Variants in ELN observed in about 807,000 individuals in gnomAD.
ELN encodes tropoelastin.
In ELN, 65 loss-of-function variants were observed where a neutral mutation model predicts 105.8. That is an observed-to-expected ratio of 0.61 (90% CI 0.50 to 0.75). ELN has a LOEUF of 0.75. Among genes scored for constraint, ELN ranks in the 30% least tolerant of loss-of-function variants. The probability of loss-of-function intolerance (pLI) is 0.00; values close to 1 mark genes in which losing one functional copy is unlikely to be tolerated. For missense variants in ELN, 882 were observed against 969.4 expected, an observed-to-expected ratio of 0.91 and a Z score of 1.20; for synonymous variants, 368 against 389.2, an observed-to-expected ratio of 0.95 and a Z score of 0.64.
intron 29 of ELN, among the ~76,000 whole-genome samples, chr7:74,065,070 C>A (rs1328196965): frequency 6.6e-6 from 1 of 151,690 alleles, no homozygotes; most frequent in Non-Finnish European, 1.5e-5. Context: ...GCAAGACCCC[C>A]CCCCACCACC....
chr7:74,037,943 C>A, intron 4 of ELN: 2 of 661,092 alleles, frequency 3.0e-6, no homozygotes, highest in Non-Finnish European at 5.2e-6. Flanking sequence ...GAACAAGAGG[C>A]TGGAAGCAGC....
At chr7:74,031,026 G>T (rs979801475) in intron 1 of ELN, among the ~76,000 whole-genome samples, 1 of 152,204 alleles carries the variant, frequency 6.6e-6, no homozygotes, top group Non-Finnish European at 1.5e-5. Context: ...AAACAGCTTC[G>T]TGTGGTCTTA....
In ELN at chr7:74,046,287, G is replaced by C. The variant is rs1175004343; in HGVS notation, c.571+70G>C. The C allele has an allele frequency of 1.9e-6, 3 of 1,606,264 alleles. No individual in the cohort carries two copies. The South Asian group carries it at 3.3e-5, about 18-fold the overall frequency. ...AGGCTCTGGCGTTGGGAGGGGTTGG[G>C]CACCCAAGATCCCATCCAAGCCTGC... On this transcript the variant is annotated intron_variant, in intron 11 of 32. Transcript: ENST00000252034.
In ELN at chr7:74,045,435, G is replaced by C. The variant is rs1792241800; in HGVS notation, c.541+142G>C. The C allele has an allele frequency of 9.3e-5, 87 of 939,720 alleles. No individual in the cohort carries two copies. In the South Asian group the frequency reaches 1.2e-3, roughly 13 times the overall value. The allele number at this position is 939,720 out of a possible 1,614,324, so 58.2% of individuals were successfully genotyped here. A position where few individuals can be genotyped will look rare whatever the true frequency, so the allele number is the denominator to read the frequency against. ...TTATGTTCCAGCCCTGGGCAGCCTG[G>C]TGCTGAAAAACCTCAGAGTGTGGCT... On this transcript the variant is annotated intron_variant, in intron 10 of 32. Coordinates refer to ENST00000252034, the MANE Select transcript of ELN (RefSeq NM_000501.4).
chr7:74,063,047 A>T lies in ELN; in HGVS notation c.1787-106A>T. Reference sequence around the variant, plus strand: ...TGGACTTCCTGTCCACTGCTCCTCCACAGTGTCACATGGCCCCTGCCACCT... The same window carrying T: ...TGGACTTCCTGTCCACTGCTCCTCCTCAGTGTCACATGGCCCCTGCCACCT... On this transcript the variant is annotated intron_variant, in intron 26 of 32. Coordinates refer to ENST00000252034, the MANE Select transcript of ELN (RefSeq NM_000501.4). This position sits in a 1 kb window ranked among gnomAD's most constrained non-coding sequence, Gnocchi z 4.1. 7.2e-7 allele frequency: 1 copy of T among 1,386,802 alleles called. No individual in the cohort carries two copies. Among genetic ancestry groups the T allele is most frequent in the Non-Finnish European group, 9.9e-7 (1 of 1,008,878 alleles). 85.9% of individuals were successfully genotyped at this position (1,386,802 alleles called of 1,614,324 possible).
At chr7:74,056,475 GATGGGGGCTT>G in intron 20 of ELN, 40 bp downstream of exon 20, 1 of 1,612,284 alleles carries the variant, frequency 6.2e-7, no homozygotes, top group Non-Finnish European at 8.5e-7. Context: ...GTTGAGAAGG[GATGGGGGCTT>G]CTTGTCTGCT....
intron 8 of ELN, 67 bp from the exon 9 acceptor site, chr7:74,043,812 G>A: frequency 1.3e-6 from 2 of 1,570,050 alleles, no homozygotes; most frequent in South Asian, 1.1e-5. Flanking sequence ...GCCTGGGTGG[G>A]AAGGGCTGGG....
At chr7:74,034,254 G>A (rs1554664158) in intron 1 of ELN, among the ~76,000 whole-genome samples, 1 of 152,110 alleles carries the variant, frequency 6.6e-6, no homozygotes, top group Non-Finnish European at 1.5e-5. Flanking sequence ...CTTAATGCTC[G>A]CTGTAGCAGC....
chr7:74,046,187 G>C lies in ELN; in HGVS notation c.542-1G>C. 6 of 1,614,250 alleles carry C rather than the reference G, an allele frequency of 3.7e-6. No homozygotes were observed. Among genetic ancestry groups the C allele is most frequent in the Non-Finnish European group, 5.1e-6 (6 of 1,180,038 alleles). On this transcript the variant is annotated splice_acceptor_variant, in intron 10 of 32. Coordinates refer to ENST00000252034, the MANE Select transcript of ELN (RefSeq NM_000501.4). LOFTEE classifies it high-confidence loss of function. Reference sequence around the variant, plus strand: ...GTAGTGACAGCTTTTTATCATTACAGGTGTAGGTGGAGCTTTTGCTGGAAT... The same window carrying C: ...GTAGTGACAGCTTTTTATCATTACACGTGTAGGTGGAGCTTTTGCTGGAAT...
intron 4 of ELN, among the ~76,000 whole-genome samples, chr7:74,041,001 G>T (rs1791073035): frequency 6.6e-6 from 1 of 152,202 alleles, no homozygotes. Context: ...GCTTGTTAGG[G>T]ATCGGTGCAA....
At chr7:74,058,867 C>T (rs921859255) in intron 22 of ELN, among the ~76,000 whole-genome samples, 43 of 152,136 alleles carry the variant, frequency 2.8e-4, no homozygotes, top group Non-Finnish European at 2.2e-4. Context: ...CTGAATAGGC[C>T]AGAGAGCATT....
At chr7:74,040,336 G>C (rs1385568975) in intron 4 of ELN, among the ~76,000 whole-genome samples, 2 of 152,344 alleles carry the variant, frequency 1.3e-5, no homozygotes, top group African/African-American at 4.8e-5. Flanking sequence ...CTGCCTGATC[G>C]CCAGGCACTC....
chr7:74,066,270 G>A (rs782545095), intron 31 of ELN, among the ~76,000 whole-genome samples: 11 of 152,222 alleles, frequency 7.2e-5, no homozygotes, highest in Non-Finnish European at 1.0e-4. Context: ...CACTCTGGCT[G>A]TAGTGAGGGG....
At chr7:74,041,339 C>G (rs1791172112) in intron 5 of ELN, 88 bp downstream of exon 5, 2 of 1,558,198 alleles carry the variant, frequency 1.3e-6, no homozygotes, top group South Asian at 1.1e-5. Flanking sequence ...GGTCATGGAA[C>G]AAGGGTGCAG....
intron 15 of ELN, among the ~76,000 whole-genome samples, chr7:74,049,491 A>C (rs1554674633): frequency 6.9e-6 from 1 of 145,736 alleles, no homozygotes; most frequent in Non-Finnish European, 1.5e-5. Flanking sequence ...CTATCCATCT[A>C]TTCCCCCATA....
chr7:74,035,702 C>T (rs1789772306), intron 2 of ELN: 1 of 502,054 alleles, frequency 2.0e-6, no homozygotes, highest in South Asian at 2.0e-5. Flanking sequence ...AGATCCCCCT[C>T]TCTACACACA....
chr7:74,034,687 A>C (rs1789512812), intron 1 of ELN, among the ~76,000 whole-genome samples: 1 of 152,124 alleles, frequency 6.6e-6, no homozygotes, highest in Non-Finnish European at 1.5e-5. Context: ...CCTGGGTGAC[A>C]GAGCAAGACT....
At chr7:74,057,545 G>A in intron 21 of ELN, 95 bp from the exon 22 acceptor site, 1 of 1,602,700 alleles carries the variant, frequency 6.2e-7, no homozygotes, top group South Asian at 1.1e-5. Flanking sequence ...AAGGTCGACT[G>A]CACCATTTTA....
At chr7:74,044,804 G>A (rs1165476821) in intron 9 of ELN, among the ~76,000 whole-genome samples, 3 of 152,244 alleles carry the variant, frequency 2.0e-5, no homozygotes, top group South Asian at 2.1e-4. Context: ...CATGGTCCCA[G>A]CTGTAGCTGG....
Sources: allele counts gnomAD v4.1 joint callset (sites outside exome capture counted in the v4.1 genomes callset), GRCh38; gene constraint gnomAD v4.1.1; non-coding constraint Gnocchi (gnomAD v3.1); transcripts MANE v1.5; gene names NCBI Gene and HGNC (gene_info 2026-07-23, HGNC 2026-07-21).